ARHGAP12: variants seen among roughly 807,000 people sequenced by gnomAD.
ARHGAP12 encodes Rho GTPase activating protein 12.
Under a neutral mutation model 108.6 loss-of-function variants are expected in ARHGAP12, and 64 were observed. The ratio of observed to expected loss-of-function variants is 0.59; its 90% CI spans 0.48 to 0.73. ARHGAP12 has a LOEUF of 0.73. Among genes scored for constraint, ARHGAP12 ranks in the 30% least tolerant of loss-of-function variants. The pLI, the probability that ARHGAP12 is intolerant of heterozygous loss-of-function variation, is 0.00. For synonymous variants in ARHGAP12, 312 were observed against 337.2 expected (o/e 0.93, Z 0.82); for missense variants, 940 against 1,005.9 (o/e 0.93, Z 0.89).
At chr10:31,899,038 A>G (rs1421635391) in intron 3 of ARHGAP12, among the ~76,000 whole-genome samples, 4 of 152,246 alleles carry the variant, frequency 2.6e-5, no homozygotes, top group Admixed American at 2.0e-4. Context: ...TGAACATTGA[A>G]AACATTTAGT....
At chr10:31,899,042 AT>A (rs1189935568) in intron 3 of ARHGAP12, among the ~76,000 whole-genome samples, 6 of 152,222 alleles carry the variant, frequency 3.9e-5, no homozygotes, top group African/African-American at 1.4e-4. Flanking sequence ...CATTGAAAAC[AT>A]TTAGTCAAGT....
At chr10:31,828,026 T>C (rs930257929) in intron 10 of ARHGAP12, among the ~76,000 whole-genome samples, 4 of 152,184 alleles carry the variant, frequency 2.6e-5, no homozygotes, top group African/African-American at 7.2e-5. Context: ...ATTTTTTTGC[T>C]TATGTTTGTT....
intron 3 of ARHGAP12, among the ~76,000 whole-genome samples, chr10:31,893,085 G>A (rs1419179019): frequency 1.3e-5 from 2 of 152,032 alleles, no homozygotes; most frequent in Non-Finnish European, 2.9e-5. Context: ...AGAATCTCTG[G>A]GACACATTTA....
At chr10:31,830,855 C>A (rs1189815408) in intron 10 of ARHGAP12, among the ~76,000 whole-genome samples, 1 of 152,198 alleles carries the variant, frequency 6.6e-6, no homozygotes, top group Non-Finnish European at 1.5e-5. Context: ...ATCATTTTCT[C>A]TCTTCTCTCT....
chr10:31,883,511 T>C (rs887139749), intron 3 of ARHGAP12, among the ~76,000 whole-genome samples: 3 of 152,162 alleles, frequency 2.0e-5, no homozygotes, highest in African/African-American at 7.2e-5. Context: ...AAGCTTTCCA[T>C]TTTCCAACTT....
intron 1 of ARHGAP12, among the ~76,000 whole-genome samples, chr10:31,919,058 A>C (rs1163774386): frequency 6.6e-6 from 1 of 152,258 alleles, no homozygotes; most frequent in Non-Finnish European, 1.5e-5. Flanking sequence ...AAAAGGAAGG[A>C]AATTCTGACA....
intron 1 of ARHGAP12, among the ~76,000 whole-genome samples, chr10:31,918,372 C>T (rs1839653691): frequency 6.7e-6 from 1 of 149,154 alleles, no homozygotes; most frequent in South Asian, 2.1e-4. Context: ...AATGAGATAC[C>T]ACTTCACACC....
chr10:31,907,997 G>T (rs1839205375), intron 3 of ARHGAP12, among the ~76,000 whole-genome samples, 175 bp downstream of exon 3: 1 of 152,142 alleles, frequency 6.6e-6, no homozygotes, highest in Non-Finnish European at 1.5e-5. Flanking sequence ...GACCCTTTAT[G>T]AACTCCACAA....
intron 3 of ARHGAP12, among the ~76,000 whole-genome samples, chr10:31,871,832 G>A (rs913270112): frequency 2.0e-5 from 3 of 152,198 alleles, no homozygotes; most frequent in Non-Finnish European, 4.4e-5. Context: ...CCAGCACATA[G>A]AGAGTCATGG....
chr10:31,866,997 T>C (rs1398104091), intron 3 of ARHGAP12, among the ~76,000 whole-genome samples: 1 of 152,244 alleles, frequency 6.6e-6, no homozygotes, highest in Non-Finnish European at 1.5e-5. Flanking sequence ...GGTGGAATTA[T>C]GTTTGAAATC....
chr10:31,888,585 C>G (rs1027575219), intron 3 of ARHGAP12, among the ~76,000 whole-genome samples: 1 of 152,134 alleles, frequency 6.6e-6, no homozygotes, highest in African/African-American at 2.4e-5. Context: ...CCCTAGAGTT[C>G]CAATCATTCC....
At chr10:31,886,983 C>CTG (rs376615286) in intron 3 of ARHGAP12, among the ~76,000 whole-genome samples, 39 of 152,284 alleles carry the variant, frequency 2.6e-4, no homozygotes, top group African/African-American at 9.1e-4. Context: ...TAGCTATACC[C>CTG]TGTGTATTAG....
intron 10 of ARHGAP12, among the ~76,000 whole-genome samples, chr10:31,830,324 T>C (rs887931533): frequency 1.3e-5 from 2 of 152,066 alleles, no homozygotes; most frequent in African/African-American, 2.4e-5. Context: ...TTGAAGATGA[T>C]GGAATAGATG....
At chr10:31,854,237 C>CT in intron 4 of ARHGAP12, 31 bp from the exon 5 acceptor site, 1 of 1,560,192 alleles carries the variant, frequency 6.4e-7, no homozygotes, top group Non-Finnish European at 8.6e-7. Flanking sequence ...AAGGATTTTT[C>CT]TTTTTTGAAT....
At chr10:31,822,749 T>G (rs920236657) in intron 11 of ARHGAP12, among the ~76,000 whole-genome samples, 1 of 151,904 alleles carries the variant, frequency 6.6e-6, no homozygotes, top group Non-Finnish European at 1.5e-5. Flanking sequence ...CTGTTGGGAG[T>G]AGCCCTACCA....
intron 9 of ARHGAP12, among the ~76,000 whole-genome samples, chr10:31,835,967 T>C (rs1273119818): frequency 2.6e-5 from 4 of 152,176 alleles, no homozygotes; most frequent in Non-Finnish European, 5.9e-5. Context: ...GCCACTGAAC[T>C]GTACCCTTTA....
chr10:31,876,092 T>C (rs924396252), intron 3 of ARHGAP12, among the ~76,000 whole-genome samples: 2 of 152,246 alleles, frequency 1.3e-5, no homozygotes, highest in Non-Finnish European at 2.9e-5. Context: ...TGAACAATTC[T>C]GCTATGAACA....
In ARHGAP12 at chr10:31,814,376, T is replaced by G. The variant is rs1306379302; in HGVS notation, c.1732-15A>C. Reference sequence around the variant, plus strand: ...GTTTCTACTGCCTATTGGTTAGATATTTCCCAAACACATATTACACTTCTA... The same window carrying G: ...GTTTCTACTGCCTATTGGTTAGATAGTTCCCAAACACATATTACACTTCTA... On this transcript the variant is annotated splice_polypyrimidine_tract_variant and intron_variant, in intron 13 of 19. Transcript: ENST00000344936. The G allele has an allele frequency of 3.2e-6, 5 of 1,572,460 alleles. No individual in the cohort carries two copies. The highest frequency in any genetic ancestry group is 4.4e-6 in the Non-Finnish European group (5 of 1,142,600).
Position 31,861,577 on chromosome 10 carries a change from G to T in ARHGAP12, c.766C>A (p.Leu256Ile). 1 of 1,614,182 alleles carries T rather than the reference G, an allele frequency of 6.2e-7. No individual in the cohort carries two copies. Among genetic ancestry groups the T allele is most frequent in the South Asian group, 1.1e-5 (1 of 91,082 alleles). Residue 256 changes from leucine to isoleucine, a missense_variant, in exon 4 of 20, where the codon CTT becomes ATT. Leu to Ile is a conservative substitution (Grantham distance 5). Transcript: ENST00000344936. ...LQELKISQSALPPLPGSPAIQ... is the reference protein window; with the variant it reads ...LQELKISQSAIPPLPGSPAIQ... ...GCCGGGCTCCCAGGAAGTGGGGGAAGAGCAGACTGGGATATTTTCAGTTCT... is the reference window on the plus strand; with the variant it reads ...GCCGGGCTCCCAGGAAGTGGGGGAATAGCAGACTGGGATATTTTCAGTTCT...
Sources: gnomAD v4.1 joint callset for allele counts (sites outside exome capture counted in the v4.1 genomes callset) on GRCh38, gnomAD v4.1.1 for gene constraint, MANE v1.5 for transcripts, NCBI Gene and HGNC (gene_info 2026-07-23, HGNC 2026-07-21) for gene names.